Variants in RBM27 observed in about 807,000 individuals in gnomAD.
RBM27 encodes RNA-binding protein 27.
RBM27 carries 22 observed loss-of-function variants against 135.3 expected under a neutral mutation model. The ratio of observed to expected loss-of-function variants is 0.16; its 90% CI spans 0.12 to 0.23. The LOEUF (loss-of-function observed/expected upper bound fraction) is 0.23. RBM27 is among the 10% of genes least tolerant of loss of function. The pLI, the probability that RBM27 is intolerant of heterozygous loss-of-function variation, is 1.00. For synonymous variants in RBM27, 481 were observed against 442.4 expected, an observed-to-expected ratio of 1.09 and a Z score of -1.10; for missense variants, 1,009 against 1,281.0, an observed-to-expected ratio of 0.79 and a Z score of 3.24.
chr5:146,218,936 T>G, intron 1 of RBM27, 49 bp from the exon 2 acceptor site: 1 of 1,229,470 alleles, frequency 8.1e-7, no homozygotes, highest in Non-Finnish European at 1.2e-6. Context: ...ACACTACTGT[T>G]TGATAAAAAG....
chr5:146,212,895 G>A (rs951452963), intron 1 of RBM27, among the ~76,000 whole-genome samples: 3 of 151,782 alleles, frequency 2.0e-5, no homozygotes, highest in Admixed American at 1.3e-4. Context: ...CATCACTTTG[G>A]ATGCCTAATA....
intron 19 of RBM27, among the ~76,000 whole-genome samples, chr5:146,275,563 G>A (rs1471858813): frequency 1.3e-5 from 2 of 151,918 alleles, no homozygotes; most frequent in African/African-American, 4.8e-5. Flanking sequence ...CACTGCGCCC[G>A]GCCCAGAAAG....
Position 146,219,113 on chromosome 5 carries a change from A to G in RBM27, c.178+10A>G, listed in dbSNP as rs1468922424. ...GTCTTTTTACAAAAAGGTAATTATT[A>G]TGGGCCTTCAATCGAGTATTGAAGT... On this transcript the variant is annotated intron_variant, in intron 2 of 20. Transcript: ENST00000265271. 6 of 1,543,862 alleles carry G rather than the reference A, an allele frequency of 3.9e-6. No individual in the cohort carries two copies. Among genetic ancestry groups the G allele is most frequent in the East Asian group, 2.2e-5 (1 of 44,464 alleles).
intron 3 of RBM27, among the ~76,000 whole-genome samples, chr5:146,226,777 A>G (rs1269724294): frequency 6.6e-6 from 1 of 152,182 alleles, no homozygotes; most frequent in East Asian, 1.9e-4. Context: ...ATTGTGAAAA[A>G]TGGATAATGC....
intron 19 of RBM27, among the ~76,000 whole-genome samples, chr5:146,281,432 G>A (rs1307337160): frequency 6.6e-6 from 1 of 152,144 alleles, no homozygotes; most frequent in Non-Finnish European, 1.5e-5. Flanking sequence ...TGACAAAAAT[G>A]TTGTGACCCT....
chr5:146,273,679 C>A (rs1448451370), intron 19 of RBM27, among the ~76,000 whole-genome samples: 1 of 152,118 alleles, frequency 6.6e-6, no homozygotes, highest in Non-Finnish European at 1.5e-5. Flanking sequence ...AACTCTTCTT[C>A]AAGGTCTTTT....
intron 9 of RBM27, among the ~76,000 whole-genome samples, chr5:146,253,471 A>T (rs148525578): frequency 3.3e-5 from 5 of 152,004 alleles, no homozygotes; most frequent in Admixed American, 6.6e-5. Flanking sequence ...AATTTTCAAC[A>T]TCATTTAACA....
At chr5:146,223,565 T>C in intron 3 of RBM27, 38 bp downstream of exon 3, 1 of 1,583,566 alleles carries the variant, frequency 6.3e-7, no homozygotes, top group Non-Finnish European at 8.5e-7. Flanking sequence ...GGGGGCTTCT[T>C]AGATCCTGTC....
intron 1 of RBM27, among the ~76,000 whole-genome samples, chr5:146,213,054 G>A (rs571574709): frequency 9.2e-5 from 14 of 151,722 alleles, no homozygotes; most frequent in African/African-American, 2.9e-4. Context: ...TATTTCCTTC[G>A]TCTAGTTTAT....
chr5:146,211,782 G>T (rs1016618339), intron 1 of RBM27, among the ~76,000 whole-genome samples: 1 of 151,870 alleles, frequency 6.6e-6, no homozygotes, highest in East Asian at 1.9e-4. Context: ...TTACCAAAGG[G>T]ATAATCTGAA....
intron 19 of RBM27, among the ~76,000 whole-genome samples, chr5:146,283,515 G>T (rs536356916): frequency 2.0e-5 from 3 of 151,880 alleles, no homozygotes; most frequent in African/African-American, 7.2e-5. Context: ...TCCAGCCTGG[G>T]AATCAGAGCA....
intron 1 of RBM27, among the ~76,000 whole-genome samples, chr5:146,210,189 ACACT>A (rs1345960523): frequency 1.3e-5 from 2 of 152,216 alleles, no homozygotes; most frequent in Admixed American, 6.5e-5. Flanking sequence ...CACTTAGTAA[ACACT>A]CAGTATATGT....
chr5:146,233,414 G>C, intron 6 of RBM27, 36 bp from the exon 7 acceptor site: 1 of 1,497,750 alleles, frequency 6.7e-7, no homozygotes, highest in Non-Finnish European at 8.9e-7. Context: ...CTAAGTAGAT[G>C]ATAATAAGAT....
chr5:146,236,752 T>C (rs1398572822), intron 7 of RBM27, among the ~76,000 whole-genome samples: 1 of 151,884 alleles, frequency 6.6e-6, no homozygotes, highest in Admixed American at 6.6e-5. Context: ...GCTTCCCAAA[T>C]AGCTGGGATT....
chr5:146,282,735 C>G, intron 19 of RBM27, among the ~76,000 whole-genome samples: 1 of 152,124 alleles, frequency 6.6e-6, no homozygotes, highest in Non-Finnish European at 1.5e-5. Context: ...AACCAGTCCC[C>G]CAGAAACACC....
intron 5 of RBM27, 37 bp from the exon 6 acceptor site, chr5:146,230,618 ATC>A: frequency 6.3e-7 from 1 of 1,589,334 alleles, no homozygotes; most frequent in Non-Finnish European, 8.6e-7. Context: ...GAAATATCTG[ATC>A]TCTTTGTTTT....
At position 146,261,713 on chromosome 5, in the gene RBM27, A is replaced by G. The variant is rs532363178; in HGVS notation, c.2097A>G (p.Ser699=). ...LQQQQTLSHL[S]QQHHHLPQHL... is the part of the protein sequence containing the mutation. ...AACAGCAAACACTTAGTCACCTCTC[A>G]CAGCAGCACCATCACCTGCCACAGC... is the stretch of plus-strand genomic sequence containing the variant. The change falls in exon 13 of 21, where the codon TCA becomes TCG. Residue 699 remains serine, a synonymous_variant. Coordinates refer to ENST00000265271, the MANE Select transcript of RBM27 (RefSeq NM_018989.2). The G allele has an allele frequency of 6.2e-7, 1 of 1,613,872 alleles. No individual in the cohort carries two copies. The highest frequency in any genetic ancestry group is 1.1e-5 in the South Asian group (1 of 91,082).
In RBM27 at chr5:146,233,695, C is replaced by A; in HGVS notation, c.1096C>A (p.Pro366Thr). 2 of 1,499,382 alleles carry A rather than the reference C, an allele frequency of 1.3e-6. No individual in the cohort carries two copies. Among genetic ancestry groups the A allele is most frequent in the Non-Finnish European group, 1.8e-6 (2 of 1,127,484 alleles). The allele number at this position is 1,499,382 out of a possible 1,614,324, so 92.9% of individuals were successfully genotyped here. ...TGGCCATAGTATGAGACTTCCTGTT[C>A]CCCAAGGACATGGTCAGCCTCCACC... ...GPGHSMRLPV[P>T]QGHGQPPPSV... Residue 366 changes from proline (P) to threonine (T), a missense_variant, in exon 7 of 21, where the codon CCC becomes ACC. Around this residue, in one of 6 missense-constraint regions of RBM27, gnomAD observed 329 missense variants for 368.1 expected, o/e 0.89. Transcript: ENST00000265271.
intron 13 of RBM27, among the ~76,000 whole-genome samples, chr5:146,262,817 T>A (rs1420787875): frequency 6.6e-6 from 1 of 152,140 alleles, no homozygotes; most frequent in Non-Finnish European, 1.5e-5. Context: ...GTTTTTGAGG[T>A]GATCATTTCA....
Sources: allele counts gnomAD v4.1 joint callset (sites outside exome capture counted in the v4.1 genomes callset), GRCh38; gene constraint gnomAD v4.1.1; regional missense constraint gnomAD v4.1.1; transcripts MANE v1.5; gene names NCBI Gene and HGNC (gene_info 2026-07-23, HGNC 2026-07-21).